The following ITGB3 variants were observed in gnomAD, a reference collection of about 807,000 sequenced individuals.
The protein encoded by ITGB3 is integrin beta-3.
ITGB3 carries 48 observed loss-of-function variants against 85.8 expected under a neutral mutation model. The ratio of observed to expected loss-of-function variants is 0.56; its 90% CI spans 0.44 to 0.71. The LOEUF (loss-of-function observed/expected upper bound fraction) is 0.71, where lower values mean the gene tolerates loss of function less well. ITGB3 is among the 30% of genes least tolerant of loss of function. The probability of loss-of-function intolerance (pLI) is 0.00; values close to 1 mark genes in which losing one functional copy is unlikely to be tolerated. For synonymous variants in ITGB3, 363 were observed against 395.6 expected, an observed-to-expected ratio of 0.92 and a Z score of 0.98; for missense variants, 861 against 1,019.1, an observed-to-expected ratio of 0.84 and a Z score of 2.11.
chr17:47,284,483 G>GGAT lies in ITGB3; in HGVS notation c.403_405dup (p.Asp135dup). The GGAT allele has an allele frequency of 6.2e-7, 1 of 1,614,088 alleles. No individual in the cohort carries two copies. Among genetic ancestry groups the GGAT allele is most frequent in the South Asian group, 1.1e-5 (1 of 91,080 alleles). On this transcript the variant is annotated inframe_insertion, in exon 4 of 15. Transcript: ENST00000559488. Reference sequence around the variant, plus strand: ...TCTCCATCCAAGTGCGGCAGGTGGAGGATTACCCTGTGGACATCTACTACT... The same window carrying GGAT: ...TCTCCATCCAAGTGCGGCAGGTGGAGGATGATTACCCTGTGGACATCTACTACT...
intron 1 of ITGB3, among the ~76,000 whole-genome samples, chr17:47,266,574 G>T (rs11658221): frequency 0.26 from 40,113 of 151,862 alleles, 5,544 homozygotes; most frequent in African/African-American, 0.32. Context: ...GATTAAAATT[G>T]TTATTTTCAA....
intron 1 of ITGB3, among the ~76,000 whole-genome samples, chr17:47,266,622 G>A (rs1884211338): frequency 6.6e-6 from 1 of 152,070 alleles, no homozygotes; most frequent in South Asian, 2.1e-4. Context: ...TTGTTGCCCA[G>A]GCTGGAGTGC....
At position 47,307,648 on chromosome 17, in the gene ITGB3, G is replaced by C; in HGVS notation, c.2301+11G>C. 1 of 1,613,720 alleles carries C rather than the reference G, an allele frequency of 6.2e-7. No homozygotes were observed. The highest frequency in any genetic ancestry group is 1.7e-5 in the Admixed American group (1 of 59,974). ...GCAAAATGGGACACAGTAAGAGACG[G>C]GGCTGGGCGTTTTCTAAAGTCATTG... On this transcript the variant is annotated intron_variant, in intron 14 of 14. Coordinates refer to ENST00000559488, the MANE Select transcript of ITGB3 (RefSeq NM_000212.3).
At position 47,290,139 on chromosome 17, in the gene ITGB3, C is replaced by T. The variant is rs761169533; in HGVS notation, c.1036-46C>T. The T allele has an allele frequency of 2.1e-5, 31 of 1,469,130 alleles. No homozygotes were observed. In the East Asian group the frequency reaches 6.3e-4, roughly 30 times the overall value. The allele number at this position is 1,469,130 out of a possible 1,614,324, so 91.0% of individuals were successfully genotyped here. ...ATTTGGGGAGGGCTTTTGGAGACCA[C>T]CAGCTTCCTTTGGTAAGCTCTGGAC... On this transcript the variant is annotated intron_variant, in intron 7 of 14. Transcript: ENST00000559488.
chr17:47,306,624 C>A (rs2065188937), intron 13 of ITGB3, among the ~76,000 whole-genome samples: 1 of 152,076 alleles, frequency 6.6e-6, no homozygotes, highest in South Asian at 2.1e-4. Context: ...GGGGGAGAAT[C>A]TCCTGATTAT....
chr17:47,309,487 G>A (rs1353037123), intron 14 of ITGB3, among the ~76,000 whole-genome samples: 1 of 152,158 alleles, frequency 6.6e-6, no homozygotes, highest in Non-Finnish European at 1.5e-5. Flanking sequence ...ACAGGGAATG[G>A]AAAATAGGAG....
rs770145034 is a variant in ITGB3 at position 47,290,944 on chromosome 17, T to G, written c.1126-10T>G. 1.2e-6 allele frequency: 2 copies of G among 1,614,140 alleles called. No individual in the cohort carries two copies. The highest frequency in any genetic ancestry group is 2.2e-5 in the South Asian group (2 of 91,082). ...CAATTTCTTGTCTTCTTGTGCCCCTTTCTGCTCAGAAAATCCGTTCTAAAG... is the reference window on the plus strand; with the variant it reads ...CAATTTCTTGTCTTCTTGTGCCCCTGTCTGCTCAGAAAATCCGTTCTAAAG... On this transcript the variant is annotated splice_polypyrimidine_tract_variant and intron_variant, in intron 8 of 14. Transcript: ENST00000559488.
intron 2 of ITGB3, among the ~76,000 whole-genome samples, chr17:47,275,029 G>A (rs73316488): frequency 0.026 from 3,916 of 152,222 alleles, 181 homozygotes; most frequent in African/African-American, 0.088. Context: ...GTATAGGTAC[G>A]GATGGGGTTG....
At chr17:47,268,420 G>A (rs1179062082) in intron 1 of ITGB3, among the ~76,000 whole-genome samples, 2 of 152,218 alleles carry the variant, frequency 1.3e-5, no homozygotes, top group Non-Finnish European at 2.9e-5. Flanking sequence ...AAAATTGAAA[G>A]CAAATTAGTT....
Position 47,289,791 on chromosome 17 carries a change from G to A in ITGB3, c.1035+15G>A, listed in dbSNP as rs576181215. 31 of 1,597,384 alleles carry A rather than the reference G, an allele frequency of 1.9e-5. No homozygotes were observed. Among genetic ancestry groups the A allele is most frequent in the African/African-American group, 6.7e-5 (5 of 74,676 alleles). On this transcript the variant is annotated intron_variant, in intron 7 of 14. Transcript: ENST00000559488. ...ATCTCTATCAGGTGACTGTGCCTTCGGGCTTCCTGGAGTGGGCCCTGTGAT... is the reference window on the plus strand; with the variant it reads ...ATCTCTATCAGGTGACTGTGCCTTCAGGCTTCCTGGAGTGGGCCCTGTGAT...
intron 6 of ITGB3, among the ~76,000 whole-genome samples, chr17:47,288,298 G>C (rs1205568493): frequency 6.6e-6 from 1 of 151,996 alleles, no homozygotes; most frequent in Non-Finnish European, 1.5e-5. Flanking sequence ...AAAGATTAAA[G>C]GGCCAGAGTC....
At chr17:47,287,278 G>T (rs754000474) in intron 6 of ITGB3, 47 bp downstream of exon 6, 3 of 1,605,734 alleles carry the variant, frequency 1.9e-6, no homozygotes, top group East Asian at 2.2e-5. Flanking sequence ...GATTGTGAGG[G>T]TTGCCCTAAT....
intron 13 of ITGB3, 122 bp downstream of exon 13, chr17:47,302,962 TA>T: frequency 8.6e-7 from 1 of 1,159,430 alleles, no homozygotes; most frequent in Non-Finnish European, 1.3e-6. Context: ...AGTGATAAGT[TA>T]GGGGCCAGGT....
At position 47,307,575 on chromosome 17, in the gene ITGB3, A is replaced by G. The variant is rs1302417788; in HGVS notation, c.2239A>G (p.Ile747Val). Residue 747 changes from isoleucine to valine, a missense_variant, in exon 14 of 15, where the codon ATC becomes GTC. Physicochemically the swap from Ile to Val is conservative, Grantham distance 29. Transcript: ENST00000559488. ...ALLIWKLLIT[I>V]HDRKEFAKFE... ...GCTCATCTGGAAACTCCTCATCACC[A>G]TCCACGACCGAAAAGAATTCGCTAA... 2 of 1,614,206 alleles carry G rather than the reference A, an allele frequency of 1.2e-6. No homozygotes were observed. Among genetic ancestry groups the G allele is most frequent in the Admixed American group, 1.7e-5 (1 of 60,022 alleles).
rs2065118187 is a variant in ITGB3, at chr17:47,289,786, C to T, written c.1035+10C>T. 6.2e-7 allele frequency: 1 copy of T among 1,603,390 alleles called. No individual in the cohort carries two copies. The highest frequency in any genetic ancestry group is 1.7e-5 in the Admixed American group (1 of 59,944). Reference sequence around the variant, plus strand: ...AGTCAATCTCTATCAGGTGACTGTGCCTTCGGGCTTCCTGGAGTGGGCCCT... The same window carrying T: ...AGTCAATCTCTATCAGGTGACTGTGTCTTCGGGCTTCCTGGAGTGGGCCCT... On this transcript the variant is annotated intron_variant, in intron 7 of 14. Transcript: ENST00000559488.
intron 10 of ITGB3, among the ~76,000 whole-genome samples, chr17:47,294,741 G>C (rs1676718795): frequency 1.3e-5 from 2 of 152,150 alleles, no homozygotes; most frequent in Non-Finnish European, 2.9e-5. Context: ...AGTGAACAAG[G>C]GGTCATGCAT....
chr17:47,302,519 T>C (rs1798736892), intron 12 of ITGB3, among the ~76,000 whole-genome samples: 1 of 152,196 alleles, frequency 6.6e-6, no homozygotes, highest in African/African-American at 2.4e-5. Context: ...AAAAAGGGCC[T>C]ATGCAGTACA....
chr17:47,302,092 AC>A (rs920422099), intron 12 of ITGB3, among the ~76,000 whole-genome samples: 3 of 152,218 alleles, frequency 2.0e-5, no homozygotes, highest in African/African-American at 4.8e-5. Context: ...GTGGAGGGTA[AC>A]CCCTAGTATC....
chr17:47,307,621 G>A lies in ITGB3; in HGVS notation c.2285G>A (p.Arg762Lys), dbSNP rs760612810. ...GCTAAATTTGAGGAAGAACGCGCCA[G>A]AGCAAAATGGGACACAGTAAGAGAC... ...EFAKFEEERA[R>K]AKWDTANNPL... Residue 762 changes from arginine (R) to lysine (K), a missense_variant, in exon 14 of 15, where the codon AGA (arginine) becomes AAA (lysine). By Grantham distance (26) the Arg-to-Lys change is conservative. Transcript: ENST00000559488. 4 of 1,614,198 alleles carry A rather than the reference G, an allele frequency of 2.5e-6. No individual in the cohort carries two copies. The highest frequency in any genetic ancestry group is 3.4e-6 in the Non-Finnish European group (4 of 1,180,028).
Sources: allele counts gnomAD v4.1 joint callset (sites outside exome capture counted in the v4.1 genomes callset), GRCh38; gene constraint gnomAD v4.1.1; transcripts MANE v1.5; gene names NCBI Gene and HGNC (gene_info 2026-07-23, HGNC 2026-07-21).